Variants in SMOC2 observed in about 807,000 individuals in gnomAD.
SMOC2 encodes the protein SPARC related modular calcium binding 2.
A neutral mutation model predicts 61.4 loss-of-function variants in SMOC2; 39 were observed. That is an observed-to-expected ratio of 0.64 (90% CI 0.49 to 0.83). The LOEUF is 0.83. SMOC2 is among the 40% of genes least tolerant of loss of function. The pLI is 0.00. For synonymous variants in SMOC2, 247 were observed against 239.9 expected, an observed-to-expected ratio of 1.03 and a Z score of -0.27; for missense variants, 556 against 592.9, an observed-to-expected ratio of 0.94 and a Z score of 0.65.
chr6:168,599,602 CA>C (rs1785469980), intron 8 of SMOC2, among the ~76,000 whole-genome samples: 1 of 134,434 alleles, frequency 7.4e-6, no homozygotes, highest in African/African-American at 3.0e-5. Context: ...CACATACCCC[CA>C]CACACCCACA....
At position 168,483,190 on chromosome 6, in the gene SMOC2, T is replaced by TAC. The variant is rs748995842; in HGVS notation, c.85-26711_85-26710dup. On this transcript the variant is annotated intron_variant, in intron 1 of 12. Transcript: ENST00000356284. ...ACCCTAACAATGCTGTACACACACA[T>TAC]ACACACACACACACAAAAAAACTTG... Among the ~76,000 whole-genome samples the TAC allele has an allele frequency of 1.9e-3, 281 of 151,056 alleles. 2 individuals are homozygous for TAC. The highest frequency in any genetic ancestry group is 6.1e-3 in the African/African-American group (253 of 41,324).
Position 168,649,162 on chromosome 6 carries a change from G to A in SMOC2, c.908-1519G>A, listed in dbSNP as rs538570469. Among the ~76,000 whole-genome samples, 11 of 152,326 alleles carry A rather than the reference G, an allele frequency of 7.2e-5. 1 individual carries two copies. Among genetic ancestry groups the A allele is most frequent in the East Asian group, 1.9e-4 (1 of 5,176 alleles). On this transcript the variant is annotated intron_variant, in intron 9 of 12. Transcript: ENST00000356284. ...GAAGGGGCCGTCCTCAGTCCCACTC[G>A]GCTTTCTGCCTGGGCTCTGCAGCTC...
chr6:168,650,961 C>A (rs1298891359), intron 10 of SMOC2, among the ~76,000 whole-genome samples, 178 bp downstream of exon 10: 4 of 152,212 alleles, frequency 2.6e-5, no homozygotes, highest in Non-Finnish European at 5.9e-5. Flanking sequence ...TGTAGCAAGA[C>A]TAAATCACTG....
At chr6:168,571,030 T>A (rs1397022721) in intron 7 of SMOC2, among the ~76,000 whole-genome samples, 2 of 152,098 alleles carry the variant, frequency 1.3e-5, no homozygotes, top group Non-Finnish European at 2.9e-5. Flanking sequence ...GAGTTCAGGG[T>A]TTCCACGACC....
At chr6:168,570,401 C>T (rs372527058) in intron 7 of SMOC2, among the ~76,000 whole-genome samples, 2 of 152,110 alleles carry the variant, frequency 1.3e-5, no homozygotes, top group Non-Finnish European at 2.9e-5. Flanking sequence ...GTGGGAGGAA[C>T]GTCTTGCCCA....
intron 2 of SMOC2, among the ~76,000 whole-genome samples, chr6:168,519,574 C>G (rs1029542460): frequency 6.6e-6 from 1 of 152,156 alleles, no homozygotes; most frequent in Non-Finnish European, 1.5e-5. Flanking sequence ...AGAAACACAG[C>G]CGGACGTTCC....
intron 1 of SMOC2, among the ~76,000 whole-genome samples, chr6:168,468,637 C>T (rs768780822): frequency 9.9e-5 from 15 of 152,192 alleles, no homozygotes; most frequent in African/African-American, 2.2e-4. Flanking sequence ...CGGGTTCAAG[C>T]GATTCTCGTG....
At chr6:168,634,151 C>T (rs148594384) in intron 9 of SMOC2, among the ~76,000 whole-genome samples, 2 of 152,238 alleles carry the variant, frequency 1.3e-5, no homozygotes, top group African/African-American at 2.4e-5. Context: ...TATTTAGCAG[C>T]GTGAGAACGG....
At chr6:168,619,890 C>G (rs1477951590) in intron 9 of SMOC2, among the ~76,000 whole-genome samples, 5 of 152,228 alleles carry the variant, frequency 3.3e-5, no homozygotes, top group Non-Finnish European at 7.3e-5. Context: ...AGTTTACACG[C>G]TCTGTGTCTT....
At chr6:168,570,474 G>A (rs114349258) in intron 7 of SMOC2, among the ~76,000 whole-genome samples, 3,166 of 152,266 alleles carry the variant, frequency 0.021, 121 homozygotes, top group African/African-American at 0.072. Context: ...GCGCACTCCT[G>A]CTAATTCTCC....
intron 7 of SMOC2, among the ~76,000 whole-genome samples, chr6:168,557,578 C>T (rs1784278498): frequency 6.6e-6 from 1 of 152,190 alleles, no homozygotes; most frequent in Admixed American, 6.5e-5. Flanking sequence ...GGGGTATTTG[C>T]CTTACTTCGT....
At chr6:168,512,199 C>A (rs539320058) in intron 2 of SMOC2, among the ~76,000 whole-genome samples, 15 of 152,150 alleles carry the variant, frequency 9.9e-5, no homozygotes, top group Non-Finnish European at 1.9e-4. Context: ...AGTGCTGGAT[C>A]CCGGAATTTG....
intron 9 of SMOC2, among the ~76,000 whole-genome samples, chr6:168,626,241 G>A (rs780619365): frequency 3.9e-5 from 6 of 152,178 alleles, no homozygotes; most frequent in Non-Finnish European, 5.9e-5. Context: ...ACTCAAGTCC[G>A]CGCCCCCGTT....
At chr6:168,600,388 CAA>C (rs1223277383) in intron 8 of SMOC2, among the ~76,000 whole-genome samples, 1 of 117,628 alleles carries the variant, frequency 8.5e-6, no homozygotes, top group East Asian at 2.6e-4. Context: ...GCCTGGGTGA[CAA>C]GAGCGAAACT....
chr6:168,497,818 G>A (rs1042152269), intron 1 of SMOC2, among the ~76,000 whole-genome samples: 1 of 152,140 alleles, frequency 6.6e-6, no homozygotes, highest in African/African-American at 2.4e-5. Flanking sequence ...AAAATAAATG[G>A]ACACAGTCAG....
chr6:168,515,961 T>C (rs975827501), intron 2 of SMOC2, among the ~76,000 whole-genome samples: 2 of 152,172 alleles, frequency 1.3e-5, no homozygotes, highest in Non-Finnish European at 2.9e-5. Flanking sequence ...AACCTCCAGG[T>C]TTTCTCTACG....
intron 7 of SMOC2, among the ~76,000 whole-genome samples, chr6:168,592,328 C>A (rs1785203165): frequency 6.8e-6 from 1 of 146,206 alleles, no homozygotes; most frequent in African/African-American, 2.5e-5. Context: ...GGGCGTCTTT[C>A]TAGAGGATCT....
chr6:168,444,814 A>G (rs1302606332), intron 1 of SMOC2, among the ~76,000 whole-genome samples: 3 of 152,176 alleles, frequency 2.0e-5, no homozygotes, highest in Non-Finnish European at 4.4e-5. Flanking sequence ...TTGTCATTAT[A>G]TGAATTTTGA....
intron 1 of SMOC2, among the ~76,000 whole-genome samples, chr6:168,505,952 A>G (rs1782863180): frequency 6.6e-6 from 1 of 152,048 alleles, no homozygotes; most frequent in Non-Finnish European, 1.5e-5. Flanking sequence ...TAAGAAAGCA[A>G]ACACGTGGAT....
Sources: allele counts gnomAD v4.1 joint callset (sites outside exome capture counted in the v4.1 genomes callset), GRCh38; gene constraint gnomAD v4.1.1; transcripts MANE v1.5; gene names NCBI Gene and HGNC (gene_info 2026-07-23, HGNC 2026-07-21).